The following NRG2 variants were observed in gnomAD, a reference collection of about 807,000 sequenced individuals.
NRG2 encodes pro-neuregulin-2, membrane-bound isoform.
In NRG2, 27 loss-of-function variants were observed where a neutral mutation model predicts 73.9. The ratio of observed to expected loss-of-function variants is 0.37; its 90% CI spans 0.27 to 0.50. The LOEUF is 0.50. NRG2 is among the 20% of genes least tolerant of loss of function. The pLI is 0.96. For missense variants in NRG2, 1,126 were observed against 1,210.1 expected (o/e 0.93, Z 1.03); for synonymous variants, 532 against 541.0 (o/e 0.98, Z 0.23).
intron 1 of NRG2, among the ~76,000 whole-genome samples, chr5:139,958,177 G>T (rs768470618): frequency 1.3e-5 from 2 of 152,064 alleles, no homozygotes; most frequent in Admixed American, 1.3e-4. Context: ...TGTGAAATAG[G>T]CAAAGACCAC....
In NRG2 at chr5:139,848,277, A is replaced by T; in HGVS notation, c.2193T>A (p.Gly731=). 1 of 1,110,544 alleles carries T rather than the reference A, an allele frequency of 9.0e-7. No homozygotes were observed. Among genetic ancestry groups the T allele is most frequent in the Non-Finnish European group, 1.1e-6 (1 of 912,596 alleles). The allele number at this position is 1,110,544 out of a possible 1,614,324, so 68.8% of individuals were successfully genotyped here. A position where few individuals can be genotyped will look rare whatever the true frequency, so the allele number is the denominator to read the frequency against. ...PPPPPRPRAR[G]ASRRTSAGPR... is the part of the protein sequence containing the mutation. ...GCCCCGCCGACGTCCTGCGGGACGC[A>T]CCGCGCGCGCGCGGCCGCGGCGGCG... is the stretch of plus-strand genomic sequence containing the variant. The change falls in exon 10 of 10, where the codon GGT becomes GGA. Residue 731 remains glycine, a synonymous_variant. Coordinates refer to ENST00000361474, the MANE Select transcript of NRG2 (RefSeq NM_004883.3).
chr5:139,852,400 T>C lies in NRG2; in HGVS notation c.1544+32A>G, dbSNP rs1198845553. On this transcript the variant is annotated intron_variant, in intron 8 of 9. Transcript: ENST00000361474. This position sits in a 1 kb window ranked among gnomAD's most constrained non-coding sequence, Gnocchi z 4.4. ...TTGCGCCAGATGAAGTATGTGAGTC[T>C]ACAAGTTTCCATGGGCCTTGGTGGT... 1.2e-6 allele frequency: 2 copies of C among 1,607,074 alleles called. No homozygotes were observed. Among genetic ancestry groups the C allele is most frequent in the Admixed American group, 1.7e-5 (1 of 59,208 alleles).
At chr5:139,978,906 TA>T (rs1216619564) in intron 1 of NRG2, among the ~76,000 whole-genome samples, 7 of 151,798 alleles carry the variant, frequency 4.6e-5, no homozygotes, top group African/African-American at 1.7e-4. Context: ...TATGCAGCCA[TA>T]AAAAATGATG....
intron 1 of NRG2, among the ~76,000 whole-genome samples, chr5:140,009,582 C>T (rs921399350): frequency 4.6e-5 from 7 of 152,236 alleles, no homozygotes; most frequent in African/African-American, 9.6e-5. Context: ...GCCAAACGCT[C>T]TTCCAAAGTG....
intron 4 of NRG2, among the ~76,000 whole-genome samples, chr5:139,867,835 TGA>T (rs1314902111): frequency 5.0e-5 from 7 of 141,192 alleles, no homozygotes; most frequent in Admixed American, 4.3e-4. Context: ...TGTGTGTGTG[TGA>T]CAGAGAGAGA....
intron 1 of NRG2, among the ~76,000 whole-genome samples, chr5:140,000,649 C>G (rs936755412): frequency 2.6e-5 from 4 of 152,224 alleles, no homozygotes; most frequent in African/African-American, 9.6e-5. Flanking sequence ...TTGCATGCCT[C>G]CTTCCTGCAC....
intron 1 of NRG2, among the ~76,000 whole-genome samples, chr5:139,893,366 T>C (rs937536365): frequency 7.9e-5 from 12 of 152,180 alleles, no homozygotes; most frequent in African/African-American, 2.7e-4. Context: ...TGGGGGTTCA[T>C]GCATATTTTC....
chr5:140,043,045 G>T lies in NRG2; in HGVS notation c.25C>A (p.Leu9Met). The T allele has an allele frequency of 6.5e-7, 1 of 1,535,010 alleles. No individual in the cohort carries two copies. The highest frequency in any genetic ancestry group is 2.5e-5 in the East Asian group (1 of 40,706). The change falls in exon 1 of 10, where the codon CTG (leucine) becomes ATG (methionine). Residue 9 changes from leucine (L) to methionine (M), a missense_variant. Coordinates refer to ENST00000361474, the MANE Select transcript of NRG2 (RefSeq NM_004883.3). The surrounding 1 kb of genome is among the most constrained non-coding windows in gnomAD (Gnocchi z 6.7). Reference sequence around the variant, plus strand: ...CCCTTCTCCAGTGGCGGCGGCGGCAGCGCTGAGCAGCAAACCTGCCGCATC... The same window carrying T: ...CCCTTCTCCAGTGGCGGCGGCGGCATCGCTGAGCAGCAAACCTGCCGCATC... MRQVCCSA[L>M]PPPPLEKGRC... is the part of the protein sequence containing the mutation.
intron 1 of NRG2, among the ~76,000 whole-genome samples, chr5:140,039,820 G>A (rs755669450): frequency 5.3e-5 from 8 of 152,130 alleles, no homozygotes; most frequent in Non-Finnish European, 7.3e-5. Flanking sequence ...TCAATGTAAC[G>A]GCCATGACGA....
chr5:140,042,193 C>T (rs1298056751), intron 1 of NRG2, among the ~76,000 whole-genome samples, 177 bp downstream of exon 1: 2 of 149,530 alleles, frequency 1.3e-5, no homozygotes, highest in East Asian at 4.1e-4. Context: ...TCCTTCTTCT[C>T]TCCAACCCCA....
At chr5:139,861,625 T>G (rs1762149835) in intron 5 of NRG2, 1 of 450,314 alleles carries the variant, frequency 2.2e-6, no homozygotes. Flanking sequence ...CTTGACGTTT[T>G]GGTTTCTTTG....
chr5:140,028,960 C>T (rs933405159), intron 1 of NRG2, among the ~76,000 whole-genome samples: 12 of 152,112 alleles, frequency 7.9e-5, no homozygotes, highest in African/African-American at 2.2e-4. Context: ...TCCTCAGACC[C>T]GGCTACACTC....
chr5:139,968,876 G>A (rs929687121), intron 1 of NRG2, among the ~76,000 whole-genome samples: 37 of 152,236 alleles, frequency 2.4e-4, no homozygotes, highest in African/African-American at 7.7e-4. Context: ...CCTCAGCCCA[G>A]GAGGAGAGGG....
At chr5:139,899,974 T>C (rs1050270706) in intron 1 of NRG2, among the ~76,000 whole-genome samples, 3 of 152,228 alleles carry the variant, frequency 2.0e-5, no homozygotes, top group Non-Finnish European at 4.4e-5. Context: ...ATAATACCTA[T>C]ACTTTATAGT....
chr5:139,968,285 G>T (rs1005386594), intron 1 of NRG2, among the ~76,000 whole-genome samples: 25 of 152,210 alleles, frequency 1.6e-4, no homozygotes, highest in African/African-American at 5.8e-4. Flanking sequence ...TGATGAGGCC[G>T]ACCACAGAAA....
intron 1 of NRG2, among the ~76,000 whole-genome samples, chr5:140,028,252 G>A (rs1760857100): frequency 6.6e-6 from 1 of 152,198 alleles, no homozygotes; most frequent in Admixed American, 6.5e-5. Context: ...GTCATTTGAG[G>A]AAGCTAGGCA....
chr5:139,864,627 C>T (rs1762363383), intron 5 of NRG2, among the ~76,000 whole-genome samples: 1 of 152,044 alleles, frequency 6.6e-6, no homozygotes, highest in African/African-American at 2.4e-5. Flanking sequence ...AATCATTGCC[C>T]TGGGTCCTGC....
In NRG2 at chr5:139,851,933, T is replaced by TC; in HGVS notation, c.1545-103dup. 1.1e-6 allele frequency: 1 copy of TC among 944,576 alleles called. No homozygotes were observed. The highest frequency in any genetic ancestry group is 1.6e-6 in the Non-Finnish European group (1 of 615,936). The allele number at this position is 944,576 out of a possible 1,614,324, so 58.5% of individuals were successfully genotyped here. A position where few individuals can be genotyped will look rare whatever the true frequency, so the allele number is the denominator to read the frequency against. On this transcript the variant is annotated intron_variant, in intron 8 of 9. Transcript: ENST00000361474. The surrounding 1 kb of genome is among the most constrained non-coding windows in gnomAD (Gnocchi z 4.2). ...CCCTGGCTCTTCTTCCACCTCGAGCTCCCTTAGCTCAATGCCCTTCTCCAC... is the reference window on the plus strand; with the variant it reads ...CCCTGGCTCTTCTTCCACCTCGAGCTCCCCTTAGCTCAATGCCCTTCTCCAC...
intron 1 of NRG2, among the ~76,000 whole-genome samples, chr5:139,990,012 T>A (rs928122828): frequency 1.3e-4 from 20 of 151,404 alleles, no homozygotes; most frequent in Non-Finnish European, 2.7e-4. Context: ...ATGGTCTTGA[T>A]CTCCTGACCT....
Sources: gnomAD v4.1 joint callset for allele counts (sites outside exome capture counted in the v4.1 genomes callset) on GRCh38, gnomAD v4.1.1 for gene constraint, Gnocchi (gnomAD v3.1) non-coding constraint, MANE v1.5 for transcripts, NCBI Gene and HGNC (gene_info 2026-07-23, HGNC 2026-07-21) for gene names.